The following DOK6 variants were observed in gnomAD, a reference collection of about 807,000 sequenced individuals.
DOK6 encodes docking protein 6.
Under a neutral mutation model 44.0 loss-of-function variants are expected in DOK6, and 22 were observed. The observed-to-expected ratio is 0.50, with a 90% CI of 0.36 to 0.71. The LOEUF (loss-of-function observed/expected upper bound fraction) is 0.71. DOK6 is among the 30% of genes least tolerant of loss of function. The pLI is 0.00. For missense variants in DOK6, 340 were observed against 416.4 expected (o/e 0.82, Z 1.60); for synonymous variants, 166 against 145.5 (o/e 1.14, Z -1.01).
At chr18:69,744,925 T>TA (rs58133144) in intron 6 of DOK6, among the ~76,000 whole-genome samples, 59,135 of 89,710 alleles carry the variant, frequency 0.66, 20,264 homozygotes, top group Non-Finnish European at 0.77. Context: ...ACACTCCATC[T>TA]AAAAAAAAAA....
intron 5 of DOK6, among the ~76,000 whole-genome samples, chr18:69,702,557 G>A (rs567032275): frequency 2.6e-5 from 4 of 152,280 alleles, no homozygotes; most frequent in East Asian, 1.9e-4. Context: ...TTCCATAGAC[G>A]ATGTCATAAC....
At chr18:69,458,710 C>T (rs546511843) in intron 1 of DOK6, among the ~76,000 whole-genome samples, 10 of 152,054 alleles carry the variant, frequency 6.6e-5, no homozygotes, top group African/African-American at 2.4e-4. Flanking sequence ...AATCAGTGTA[C>T]AAAAATCAGT....
intron 3 of DOK6, among the ~76,000 whole-genome samples, chr18:69,670,415 A>G (rs965264071): frequency 3.3e-5 from 5 of 152,098 alleles, no homozygotes; most frequent in African/African-American, 1.2e-4. Flanking sequence ...TTAGGAAAGT[A>G]TGACTAAGAT....
intron 5 of DOK6, among the ~76,000 whole-genome samples, chr18:69,722,005 A>G (rs977119947): frequency 2.0e-5 from 3 of 152,194 alleles, no homozygotes; most frequent in Admixed American, 6.5e-5. Context: ...CAGAGTTTGT[A>G]TGGATTTGGA....
At chr18:69,661,573 T>A (rs574282243) in intron 3 of DOK6, 2 of 152,338 alleles carry the variant, frequency 1.3e-5, no homozygotes, top group South Asian at 4.1e-4. Flanking sequence ...CCTATTATAC[T>A]CTGTAGGAAC....
At chr18:69,695,565 G>C (rs1986370475) in intron 4 of DOK6, among the ~76,000 whole-genome samples, 1 of 152,150 alleles carries the variant, frequency 6.6e-6, no homozygotes, top group Non-Finnish European at 1.5e-5. Flanking sequence ...AGTGTATTAT[G>C]CTACTAAGAG....
At chr18:69,479,490 G>A (rs1177751551) in intron 1 of DOK6, among the ~76,000 whole-genome samples, 1 of 152,116 alleles carries the variant, frequency 6.6e-6, no homozygotes, top group East Asian at 1.9e-4. Flanking sequence ...GGGATTACAG[G>A]AATACAACGT....
chr18:69,780,730 A>G (rs1980238755), intron 7 of DOK6, among the ~76,000 whole-genome samples: 2 of 152,258 alleles, frequency 1.3e-5, no homozygotes, highest in African/African-American at 4.8e-5. Flanking sequence ...TCTGCTATGT[A>G]TGCGAGTATA....
chr18:69,773,035 G>T (rs1370308937), intron 7 of DOK6, among the ~76,000 whole-genome samples: 1 of 151,800 alleles, frequency 6.6e-6, no homozygotes, highest in Non-Finnish European at 1.5e-5. Context: ...AACAGCAAAG[G>T]ACTTGAACAA....
intron 1 of DOK6, among the ~76,000 whole-genome samples, chr18:69,560,202 T>A (rs972696600): frequency 2.6e-5 from 4 of 152,168 alleles, no homozygotes; most frequent in African/African-American, 7.2e-5. Flanking sequence ...GTGGAAGTGT[T>A]TAATGAATAG....
At chr18:69,786,272 C>A (rs1980426351) in intron 7 of DOK6, among the ~76,000 whole-genome samples, 1 of 152,028 alleles carries the variant, frequency 6.6e-6, no homozygotes, top group South Asian at 2.1e-4. Flanking sequence ...CAAAAAAATC[C>A]TATATTTGAT....
chr18:69,732,508 A>G (rs1978444308), intron 5 of DOK6, among the ~76,000 whole-genome samples: 1 of 152,224 alleles, frequency 6.6e-6, no homozygotes, highest in South Asian at 2.1e-4. Flanking sequence ...TTATATGTAT[A>G]TATTTTCAAA....
At chr18:69,590,086 A>G (rs967719246) in intron 2 of DOK6, among the ~76,000 whole-genome samples, 2 of 152,146 alleles carry the variant, frequency 1.3e-5, no homozygotes, top group Non-Finnish European at 1.5e-5. Context: ...TATGAAAGGA[A>G]TAATCACTTA....
chr18:69,750,058 T>TTA (rs899759687), intron 6 of DOK6, among the ~76,000 whole-genome samples: 11 of 147,232 alleles, frequency 7.5e-5, no homozygotes, highest in Non-Finnish European at 1.2e-4. Context: ...TATATATATA[T>TTA]TATATATATA....
At chr18:69,511,623 T>C (rs892043763) in intron 1 of DOK6, among the ~76,000 whole-genome samples, 7 of 152,234 alleles carry the variant, frequency 4.6e-5, no homozygotes, top group African/African-American at 1.7e-4. Flanking sequence ...ATTAGGCCCA[T>C]ACTGTCATTG....
chr18:69,604,426 AT>A (rs746497855), intron 3 of DOK6, among the ~76,000 whole-genome samples: 35 of 152,214 alleles, frequency 2.3e-4, no homozygotes, highest in Non-Finnish European at 4.7e-4. Context: ...CCAGAGAAGA[AT>A]TTCCTGACAA....
At chr18:69,730,669 C>A (rs560740232) in intron 5 of DOK6, among the ~76,000 whole-genome samples, 210 of 152,252 alleles carry the variant, frequency 1.4e-3, no homozygotes, top group Non-Finnish European at 2.6e-3. Context: ...GGTTGAAAAT[C>A]CACTAAGCTG....
chr18:69,617,730 G>GAAAGAAAGAAAGAAAGAAAGAGAAAAA, intron 3 of DOK6, among the ~76,000 whole-genome samples: 1 of 88,872 alleles, frequency 1.1e-5, no homozygotes, highest in African/African-American at 3.5e-5. Flanking sequence ...AAAGAAAAAA[G>GAAAGAAAGAAAGAAAGAAAGAGAAAAA]GGGGAAGGAG....
intron 7 of DOK6, among the ~76,000 whole-genome samples, chr18:69,759,836 CTGGT>C (rs1206921460): frequency 6.6e-6 from 1 of 152,094 alleles, no homozygotes; most frequent in Non-Finnish European, 1.5e-5. Flanking sequence ...TCATGTTTCT[CTGGT>C]TGGTTGGTGA....
Sources: allele counts gnomAD v4.1 joint callset (sites outside exome capture counted in the v4.1 genomes callset), GRCh38; gene constraint gnomAD v4.1.1; transcripts MANE v1.5; gene names NCBI Gene and HGNC (gene_info 2026-07-23, HGNC 2026-07-21).